DNAJC5B: variants seen among roughly 807,000 people sequenced by gnomAD.
DNAJC5B encodes the protein DnaJ heat shock protein family (Hsp40) member C5 beta, also known as dnaJ homolog subfamily C member 5B.
A neutral mutation model predicts 24.7 loss-of-function variants in DNAJC5B; 23 were observed. That is an observed-to-expected ratio of 0.93 (90% CI 0.67 to 1.32). DNAJC5B has a LOEUF of 1.32. Ranked by LOEUF, DNAJC5B falls within the 40% of genes most tolerant of loss-of-function variation. DNAJC5B has a pLI of 0.00. For synonymous variants in DNAJC5B, 101 were observed against 90.1 expected, an observed-to-expected ratio of 1.12 and a Z score of -0.68; for missense variants, 238 against 240.8, an observed-to-expected ratio of 0.99 and a Z score of 0.08.
At chr8:66,053,447 A>G (rs1420710506) in intron 3 of DNAJC5B, among the ~76,000 whole-genome samples, 2 of 152,236 alleles carry the variant, frequency 1.3e-5, no homozygotes, top group South Asian at 4.1e-4. Flanking sequence ...AATGTTGAGT[A>G]CAAAATTAAT....
chr8:66,080,650 C>A (rs1807576235), intron 5 of DNAJC5B, 102 bp downstream of exon 5: 2 of 1,013,326 alleles, frequency 2.0e-6, no homozygotes, highest in Non-Finnish European at 2.8e-6. Context: ...AGAGCTCCCA[C>A]AACCAAATGG....
chr8:66,096,491 T>C (rs1038598165), intron 5 of DNAJC5B, among the ~76,000 whole-genome samples: 3 of 152,188 alleles, frequency 2.0e-5, no homozygotes, highest in African/African-American at 7.2e-5. Context: ...ATGATGAATT[T>C]TTCTATTTCT....
At chr8:66,091,577 C>A (rs1445335890) in intron 5 of DNAJC5B, among the ~76,000 whole-genome samples, 1 of 152,060 alleles carries the variant, frequency 6.6e-6, no homozygotes, top group Non-Finnish European at 1.5e-5. Flanking sequence ...ATAGTTTTAT[C>A]AAGTAATCGA....
At position 66,076,126 on chromosome 8, in the gene DNAJC5B, A is replaced by C. The variant is rs560952340; in HGVS notation, c.120-534A>C. On this transcript the variant is annotated intron_variant, in intron 3 of 5. Transcript: ENST00000276570. ...TGCATTTGAATACAAAGGAAGTCAC[A>C]GTATTTGTTCAGAAAACCAAGAGTT... is the stretch of plus-strand genomic sequence containing the variant. Among the ~76,000 whole-genome samples, 8 of 152,368 alleles carry C rather than the reference A, an allele frequency of 5.3e-5. No individual in the cohort carries two copies. The South Asian group carries it at 1.7e-3, about 32-fold the overall frequency.
intron 5 of DNAJC5B, among the ~76,000 whole-genome samples, chr8:66,088,135 G>C (rs6472245): frequency 0.14 from 21,542 of 152,180 alleles, 2,184 homozygotes; most frequent in African/African-American, 0.28. Context: ...TCCCAAAGTT[G>C]AGCTCTGGTC....
At chr8:66,058,923 C>T (rs1223724084) in intron 3 of DNAJC5B, among the ~76,000 whole-genome samples, 1 of 152,110 alleles carries the variant, frequency 6.6e-6, no homozygotes, top group Non-Finnish European at 1.5e-5. Context: ...GGATGCCAAG[C>T]TCTTTGTGGC....
intron 5 of DNAJC5B, among the ~76,000 whole-genome samples, chr8:66,085,554 C>A (rs1807703999): frequency 6.6e-6 from 1 of 152,000 alleles, no homozygotes; most frequent in South Asian, 2.1e-4. Flanking sequence ...GCCTGGGTGA[C>A]AGAGCGAGAC....
intron 3 of DNAJC5B, among the ~76,000 whole-genome samples, chr8:66,071,905 T>C (rs142187242): frequency 0.13 from 19,310 of 152,078 alleles, 2,494 homozygotes; most frequent in African/African-American, 0.33. Flanking sequence ...TGCAGGGACA[T>C]GGATGAAGCT....
upstream of DNAJC5B, among the ~76,000 whole-genome samples, chr8:66,021,373 T>C (rs528865100): frequency 2.6e-5 from 4 of 152,264 alleles, no homozygotes; most frequent in African/African-American, 9.6e-5. Context: ...TCACAAGGTT[T>C]TGAATGGCAG....
intron 5 of DNAJC5B, among the ~76,000 whole-genome samples, chr8:66,098,718 T>C (rs1406325599): frequency 6.6e-6 from 1 of 152,138 alleles, no homozygotes; most frequent in African/African-American, 2.4e-5. Context: ...TCTTCCAATC[T>C]GTCTTCTACT....
chr8:66,022,625 G>A (rs1806161287), intron 1 of DNAJC5B, among the ~76,000 whole-genome samples: 1 of 152,202 alleles, frequency 6.6e-6, no homozygotes, highest in Admixed American at 6.5e-5. Context: ...TCTATCCACA[G>A]GACACAACTC....
intron 3 of DNAJC5B, among the ~76,000 whole-genome samples, chr8:66,053,132 C>CTTG (rs10671757): frequency 0.018 from 2,794 of 152,204 alleles, 72 homozygotes; most frequent in African/African-American, 0.064. Context: ...AAGATGGGAT[C>CTTG]TTGCTTTGTT....
intron 5 of DNAJC5B, among the ~76,000 whole-genome samples, chr8:66,083,180 T>G (rs1322882917): frequency 6.6e-6 from 1 of 151,752 alleles, no homozygotes; most frequent in Admixed American, 6.6e-5. Flanking sequence ...CCCGGCTAAT[T>G]TTTTGTATTT....
At chr8:66,015,313 A>T in the DNAJC5B span, among the ~76,000 whole-genome samples, 1 of 152,206 alleles carries the variant, frequency 6.6e-6, no homozygotes, top group Admixed American at 6.5e-5. Context: ...GATTAAGTAT[A>T]AAATGATTAA....
Position 66,099,937 on chromosome 8 carries a change from A to G in DNAJC5B, c.506A>G (p.Asp169Gly), listed in dbSNP as rs575855437. Residue 169 changes from aspartate to glycine, a missense_variant and splice_region_variant, in exon 6 of 6, where the codon GAT becomes GGT. Asp to Gly is a moderately conservative substitution (Grantham distance 94). Coordinates refer to ENST00000276570, the MANE Select transcript of DNAJC5B (RefSeq NM_033105.6). ...ATTGCTTTGCTTTGTTTATTTTTAGATGTGGACTTTCCAGTTTTTCTCCAG... is the reference window on the plus strand; with the variant it reads ...ATTGCTTTGCTTTGTTTATTTTTAGGTGTGGACTTTCCAGTTTTTCTCCAG... ...EEQIKSDMEK[D>G]VDFPVFLQPT... The G allele has an allele frequency of 2.2e-5, 36 of 1,613,576 alleles. 1 individual carries two copies. The highest frequency in any genetic ancestry group is 2.0e-4 in the East Asian group (9 of 44,874).
intron 3 of DNAJC5B, among the ~76,000 whole-genome samples, chr8:66,056,141 A>T (rs367666628): frequency 2.0e-5 from 3 of 152,146 alleles, no homozygotes; most frequent in East Asian, 1.9e-4. Flanking sequence ...AGGGCATTTT[A>T]TAATCCCCTC....
At chr8:66,039,924 G>T (rs1806571446) in intron 1 of DNAJC5B, among the ~76,000 whole-genome samples, 1 of 152,166 alleles carries the variant, frequency 6.6e-6, no homozygotes, top group South Asian at 2.1e-4. Flanking sequence ...CAGGGAGAGA[G>T]TAACTTCTTA....
chr8:66,070,397 C>G (rs1807320056), intron 3 of DNAJC5B, among the ~76,000 whole-genome samples: 1 of 152,212 alleles, frequency 6.6e-6, no homozygotes, highest in African/African-American at 2.4e-5. Context: ...AAATCACAAG[C>G]ATTCCTATAT....
At chr8:66,054,570 A>G (rs1806922631) in intron 3 of DNAJC5B, among the ~76,000 whole-genome samples, 1 of 152,186 alleles carries the variant, frequency 6.6e-6, no homozygotes, top group Non-Finnish European at 1.5e-5. Flanking sequence ...TGGAACCTTC[A>G]CCATGTGGCA....
Sources: gnomAD v4.1 joint callset for allele counts (sites outside exome capture counted in the v4.1 genomes callset) on GRCh38, gnomAD v4.1.1 for gene constraint, MANE v1.5 for transcripts, NCBI Gene and HGNC (gene_info 2026-07-23, HGNC 2026-07-21) for gene names.